DLG2: variants seen among roughly 807,000 people sequenced by gnomAD.
The protein encoded by DLG2 is discs large MAGUK scaffold protein 2.
A neutral mutation model predicts 132.5 loss-of-function variants in DLG2; 45 were observed. The ratio of observed to expected loss-of-function variants is 0.34; its 90% CI spans 0.27 to 0.44. DLG2 has a LOEUF of 0.44. Ranked by LOEUF, DLG2 falls within the 20% of genes least tolerant of loss-of-function variation. The pLI, the probability that DLG2 is intolerant of heterozygous loss-of-function variation, is 1.00. For synonymous variants in DLG2, 424 were observed against 419.6 expected (o/e 1.01, Z -0.13); for missense variants, 1,045 against 1,196.9 (o/e 0.87, Z 1.87).
chr11:84,732,382 G>A (rs1426796336), intron 6 of DLG2, among the ~76,000 whole-genome samples: 1 of 151,868 alleles, frequency 6.6e-6, no homozygotes, highest in Non-Finnish European at 1.5e-5. Flanking sequence ...ATTCCCACCA[G>A]CAATGTATGA....
At chr11:85,160,292 A>G (rs1446579890) in intron 4 of DLG2, among the ~76,000 whole-genome samples, 3 of 152,158 alleles carry the variant, frequency 2.0e-5, no homozygotes, top group African/African-American at 7.2e-5. Flanking sequence ...CTGCTCTGCC[A>G]TTTGCGCCAT....
chr11:84,528,930 C>T (rs1172113920), intron 7 of DLG2, among the ~76,000 whole-genome samples: 1 of 152,194 alleles, frequency 6.6e-6, no homozygotes, highest in Non-Finnish European at 1.5e-5. Context: ...CTGGAGCTCA[C>T]TCGTACTAGC....
At chr11:83,735,515 T>G (rs2091782500) in intron 18 of DLG2, among the ~76,000 whole-genome samples, 1 of 152,234 alleles carries the variant, frequency 6.6e-6, no homozygotes. Context: ...TTTACCATTA[T>G]CCCTTCTATT....
At chr11:84,622,194 T>C (rs1207632107) in intron 6 of DLG2, among the ~76,000 whole-genome samples, 1 of 152,204 alleles carries the variant, frequency 6.6e-6, no homozygotes, top group Non-Finnish European at 1.5e-5. Context: ...AGAAAGTGTC[T>C]TCCTTTGTGT....
At chr11:83,500,118 A>G (rs890636795) in intron 21 of DLG2, among the ~76,000 whole-genome samples, 101 of 151,684 alleles carry the variant, frequency 6.7e-4, no homozygotes, top group African/African-American at 2.3e-3. Context: ...GGTACTTTGC[A>G]TGCACTGTCA....
intron 18 of DLG2, among the ~76,000 whole-genome samples, chr11:83,758,234 T>C (rs17548584): frequency 0.074 from 11,217 of 152,176 alleles, 546 homozygotes; most frequent in South Asian, 0.16. Context: ...TAGTCTCCCA[T>C]TCATTTCCAC....
At chr11:83,757,917 A>C (rs1434218198) in intron 18 of DLG2, among the ~76,000 whole-genome samples, 1 of 152,208 alleles carries the variant, frequency 6.6e-6, no homozygotes, top group African/African-American at 2.4e-5. Flanking sequence ...AACTGCACTG[A>C]GTACTGATCA....
In DLG2 at chr11:84,781,057, A is replaced by ATGTGTGTGTG. The variant is rs35479707; in HGVS notation, c.358-246336_358-246327dup. Among the ~76,000 whole-genome samples the ATGTGTGTGTG allele has an allele frequency of 1.5e-3, 218 of 143,032 alleles. 1 individual carries two copies. The highest frequency in any genetic ancestry group is 3.0e-3 in the South Asian group (13 of 4,406). 93.8% of individuals were successfully genotyped at this position (143,032 alleles called of 152,430 possible). A position where few individuals can be genotyped will look rare whatever the true frequency, so the allele number is the denominator to read the frequency against. ...TCTGCCAAAAGTTCATCATAACTTA[A>ATGTGTGTGTG]TGTGTGTGTGTGTGTGTGTGTGTGT... On this transcript the variant is annotated intron_variant, in intron 6 of 27. Transcript: ENST00000376104.
chr11:84,685,201 T>C (rs2099737070), intron 6 of DLG2, among the ~76,000 whole-genome samples: 2 of 152,122 alleles, frequency 1.3e-5, no homozygotes, highest in African/African-American at 4.8e-5. Context: ...CACCATACCA[T>C]CCAACTTCAG....
At chr11:83,914,310 C>G (rs1472885907) in intron 15 of DLG2, among the ~76,000 whole-genome samples, 1 of 152,134 alleles carries the variant, frequency 6.6e-6, no homozygotes, top group Non-Finnish European at 1.5e-5. Flanking sequence ...TCCTGGCTCC[C>G]CTCTGCTAGA....
intron 15 of DLG2, among the ~76,000 whole-genome samples, chr11:83,885,606 A>G (rs1046289836): frequency 1.3e-5 from 2 of 152,182 alleles, no homozygotes; most frequent in Non-Finnish European, 2.9e-5. Flanking sequence ...AACGCCACAA[A>G]GATACTCCTT....
rs746681420 is a variant in DLG2, at chr11:85,598,687, A to G, written c.10T>C (p.Phe4Leu). ...AAAGCTTGGAATAAGCTGCTCTTAA[A>G]GATACCCATCACCTTTTTAACCGCA... MGI[F>L]KSSLFQALLD... is the part of the protein sequence containing the mutation. Residue 4 changes from phenylalanine (F) to leucine (L), a missense_variant, in exon 3 of 28, where the codon TTT becomes CTT. Phe to Leu is a conservative substitution (Grantham distance 22, BLOSUM62 0). Around this residue, in one of 4 missense-constraint regions of DLG2, gnomAD observed 277 missense variants for 238.2 expected, o/e 1.16. Transcript: ENST00000376104. 7.0e-6 allele frequency: 11 copies of G among 1,580,846 alleles called. No homozygotes were observed. The South Asian group carries it at 1.3e-4, about 18-fold the overall frequency.
At chr11:83,489,121 C>A (rs1032153388) in intron 21 of DLG2, among the ~76,000 whole-genome samples, 2 of 151,904 alleles carry the variant, frequency 1.3e-5, no homozygotes, top group Non-Finnish European at 2.9e-5. Flanking sequence ...AGATGTTTCA[C>A]GCCTTCTGAT....
At chr11:83,587,928 T>C (rs1182267183) in intron 19 of DLG2, among the ~76,000 whole-genome samples, 3 of 152,188 alleles carry the variant, frequency 2.0e-5, no homozygotes, top group South Asian at 2.1e-4. Flanking sequence ...ACTGAGCTTT[T>C]CCCATGGGCT....
intron 22 of DLG2, among the ~76,000 whole-genome samples, chr11:83,474,603 T>A (rs2092429263): frequency 6.6e-6 from 1 of 152,146 alleles, no homozygotes. Context: ...GGGAGTTTCA[T>A]AAAGGCGAGA....
intron 3 of DLG2, among the ~76,000 whole-genome samples, chr11:85,549,019 T>C (rs1292142257): frequency 2.6e-5 from 4 of 151,908 alleles, no homozygotes; most frequent in African/African-American, 9.7e-5. Context: ...AGTGGCGTTC[T>C]GAGCACCACT....
In DLG2 at chr11:85,444,631, G is replaced by A. The variant is rs75408776; in HGVS notation, c.40+154026C>T. Reference sequence around the variant, plus strand: ...AAGGCAACATGCATGCCCTCGACAAGAGCTATGCCCATCTCTTCTGGCTGC... The same window carrying A: ...AAGGCAACATGCATGCCCTCGACAAAAGCTATGCCCATCTCTTCTGGCTGC... On this transcript the variant is annotated intron_variant, in intron 3 of 27. Transcript: ENST00000376104. Among the ~76,000 whole-genome samples the A allele has an allele frequency of 3.7e-4, 56 of 152,296 alleles. 1 individual carries two copies. The East Asian group carries it at 4.6e-3, about 13-fold the overall frequency.
chr11:83,839,563 C>T (rs1255010231), intron 16 of DLG2, among the ~76,000 whole-genome samples: 1 of 152,158 alleles, frequency 6.6e-6, no homozygotes, highest in African/African-American at 2.4e-5. Flanking sequence ...CAGAGCTAGT[C>T]TCTTTGCTGT....
At chr11:84,720,492 C>A (rs915017776) in intron 6 of DLG2, 2 of 985,182 alleles carry the variant, frequency 2.0e-6, no homozygotes, top group African/African-American at 1.7e-5. Flanking sequence ...GCTGCCGCTT[C>A]GATCACTGCC....
Sources: allele counts gnomAD v4.1 joint callset (sites outside exome capture counted in the v4.1 genomes callset), GRCh38; gene constraint gnomAD v4.1.1; regional missense constraint gnomAD v4.1.1; transcripts MANE v1.5; gene names NCBI Gene and HGNC (gene_info 2026-07-23, HGNC 2026-07-21).